The following MCTP1 variants were observed in gnomAD, a reference collection of about 807,000 sequenced individuals.
The protein encoded by MCTP1 is multiple C2 and transmembrane domain containing 1.
A neutral mutation model predicts 120.6 loss-of-function variants in MCTP1; 69 were observed. That is an observed-to-expected ratio of 0.57 (90% CI 0.47 to 0.70). The LOEUF (loss-of-function observed/expected upper bound fraction) is 0.70, where lower values mean the gene tolerates loss of function less well. Ranked by LOEUF, MCTP1 falls within the 30% of genes least tolerant of loss-of-function variation. MCTP1 has a pLI of 0.00. For missense variants in MCTP1, 1,203 were observed against 1,248.8 expected (o/e 0.96, Z 0.55); for synonymous variants, 529 against 493.1 (o/e 1.07, Z -0.96).
intron 1 of MCTP1, among the ~76,000 whole-genome samples, chr5:95,223,449 T>G (rs894725113): frequency 1.3e-5 from 2 of 152,024 alleles, no homozygotes; most frequent in Admixed American, 6.6e-5. Flanking sequence ...AGATTCTGTC[T>G]CAAAAACATA....
chr5:95,099,762 C>T (rs2152364233), intron 1 of MCTP1, among the ~76,000 whole-genome samples: 1 of 151,224 alleles, frequency 6.6e-6, no homozygotes, highest in Admixed American at 6.6e-5. Flanking sequence ...ACCCAGCCAT[C>T]CCATTACTGG....
At chr5:94,717,268 C>A (rs1759703068) in intron 19 of MCTP1, among the ~76,000 whole-genome samples, 1 of 152,024 alleles carries the variant, frequency 6.6e-6, no homozygotes, top group Admixed American at 6.6e-5. Context: ...GAACTAAAGA[C>A]AAAAATCACG....
intron 1 of MCTP1, among the ~76,000 whole-genome samples, chr5:95,023,053 G>A (rs1838504380): frequency 6.6e-6 from 1 of 152,112 alleles, no homozygotes; most frequent in Non-Finnish European, 1.5e-5. Flanking sequence ...ATCAAAAAGC[G>A]CATCACTAGA....
chr5:95,226,344 C>T (rs1250309060), intron 1 of MCTP1, among the ~76,000 whole-genome samples: 1 of 152,160 alleles, frequency 6.6e-6, no homozygotes, highest in Admixed American at 6.5e-5. Context: ...AGAACCTCCT[C>T]TTCTGAGTTC....
At chr5:94,830,721 A>G (rs967122097) in intron 17 of MCTP1, among the ~76,000 whole-genome samples, 1 of 152,228 alleles carries the variant, frequency 6.6e-6, no homozygotes, top group Non-Finnish European at 1.5e-5. Context: ...ATGTTTCCAC[A>G]TGGGGGTGCT....
Position 94,888,969 on chromosome 5 carries a change from G to C in MCTP1, c.1843C>G (p.Pro615Ala). ...EREEILKRYS[P>A]LRIFHNLKDV... is the part of the protein sequence containing the mutation. ...TTCAGGTTGTGAAATATCCTCAATG[G>C]GCTCTGAAAGACCCCAACATCAGTA... is the stretch of plus-strand genomic sequence containing the variant. The change falls in exon 12 of 23, where the codon CCA becomes GCA. Residue 615 changes from proline (P) to alanine (A), a missense_variant. Physicochemically the swap from Pro to Ala is conservative, Grantham distance 27. This residue lies in a region of MCTP1 where 740 missense variants were observed against 871.1 expected (regional missense o/e 0.85). Transcript: ENST00000515393. 1 of 1,607,918 alleles carries C rather than the reference G, an allele frequency of 6.2e-7. No homozygotes were observed. The highest frequency in any genetic ancestry group is 8.5e-7 in the Non-Finnish European group (1 of 1,174,414).
At chr5:94,969,535 A>G (rs1458407231) in intron 2 of MCTP1, among the ~76,000 whole-genome samples, 2 of 152,148 alleles carry the variant, frequency 1.3e-5, no homozygotes, top group Non-Finnish European at 2.9e-5. Flanking sequence ...CAACTACTCA[A>G]TAATGCTAAG....
chr5:95,227,453 A>G (rs1482507171), intron 1 of MCTP1, among the ~76,000 whole-genome samples: 1 of 152,224 alleles, frequency 6.6e-6, no homozygotes, highest in Non-Finnish European at 1.5e-5. Context: ...GACAAAGCTC[A>G]GAACCTAAAC....
chr5:94,900,307 T>C (rs561824547), intron 10 of MCTP1, among the ~76,000 whole-genome samples: 1 of 152,216 alleles, frequency 6.6e-6, no homozygotes, highest in Non-Finnish European at 1.5e-5. Flanking sequence ...CTGAAATGCC[T>C]CAAGGGCAGG....
chr5:95,113,073 A>C (rs1757570136), intron 1 of MCTP1, among the ~76,000 whole-genome samples: 1 of 152,228 alleles, frequency 6.6e-6, no homozygotes, highest in Admixed American at 6.5e-5. Flanking sequence ...TAGGAAATGG[A>C]ATACAGCATA....
At chr5:94,721,764 GCTTTA>G (rs1350577607) in intron 19 of MCTP1, among the ~76,000 whole-genome samples, 7 of 149,176 alleles carry the variant, frequency 4.7e-5, no homozygotes, top group East Asian at 3.9e-4. Context: ...TGTTGTTTTT[GCTTTA>G]CTTTATAAAG....
intron 1 of MCTP1, among the ~76,000 whole-genome samples, chr5:95,170,255 A>T (rs563665863): frequency 2.0e-5 from 3 of 152,264 alleles, no homozygotes; most frequent in African/African-American, 7.2e-5. Context: ...TTCTAGTTTG[A>T]TTGCACTGTG....
intron 21 of MCTP1, chr5:94,709,733 G>A (rs1756109089): frequency 6.6e-6 from 1 of 151,564 alleles, no homozygotes; most frequent in African/African-American, 2.4e-5. Flanking sequence ...TTGAATTATA[G>A]AAATTAGGAA....
intron 17 of MCTP1, among the ~76,000 whole-genome samples, chr5:94,804,639 T>G (rs1014494722): frequency 2.0e-5 from 3 of 152,132 alleles, no homozygotes; most frequent in Non-Finnish European, 4.4e-5. Flanking sequence ...GGGGTTTCAC[T>G]GTGTTAGTCA....
At chr5:95,174,876 G>A (rs1012807152) in intron 1 of MCTP1, among the ~76,000 whole-genome samples, 1 of 152,280 alleles carries the variant, frequency 6.6e-6, no homozygotes, top group Non-Finnish European at 1.5e-5. Flanking sequence ...TTGGTTACTA[G>A]AAAGCCATTT....
intron 2 of MCTP1, among the ~76,000 whole-genome samples, chr5:94,986,298 T>A (rs1418847332): frequency 1.3e-5 from 2 of 152,216 alleles, no homozygotes; most frequent in Non-Finnish European, 2.9e-5. Context: ...CTGATCTTTA[T>A]TTCTTAAATC....
At chr5:95,165,918 T>C (rs554373443) in intron 1 of MCTP1, among the ~76,000 whole-genome samples, 1 of 152,184 alleles carries the variant, frequency 6.6e-6, no homozygotes, top group Non-Finnish European at 1.5e-5. Context: ...CTCTCAGGGC[T>C]TGTCATAACC....
intron 6 of MCTP1, among the ~76,000 whole-genome samples, chr5:94,927,240 T>TG (rs1477200694): frequency 1.3e-5 from 2 of 152,092 alleles, no homozygotes; most frequent in Non-Finnish European, 2.9e-5. Context: ...TTTGGTTAGG[T>TG]GGGGTCAAAA....
chr5:95,141,960 A>G (rs144114664), intron 1 of MCTP1, among the ~76,000 whole-genome samples: 8 of 152,308 alleles, frequency 5.3e-5, no homozygotes, highest in Non-Finnish European at 8.8e-5. Flanking sequence ...TCCACTTTCA[A>G]CAATGACAAG....
Sources: allele counts gnomAD v4.1 joint callset (sites outside exome capture counted in the v4.1 genomes callset), GRCh38; gene constraint gnomAD v4.1.1; regional missense constraint gnomAD v4.1.1; transcripts MANE v1.5; gene names NCBI Gene and HGNC (gene_info 2026-07-23, HGNC 2026-07-21).